The following BLM variants were observed in gnomAD, a reference collection of about 807,000 sequenced individuals.
BLM encodes recQ-like DNA helicase BLM.
A neutral mutation model predicts 135.3 loss-of-function variants in BLM; 95 were observed. The observed-to-expected ratio is 0.70, with a 90% confidence interval of 0.59 to 0.83. The LOEUF (loss-of-function observed/expected upper bound fraction) is 0.83. BLM is among the 40% of genes least tolerant of loss of function. The pLI is 0.00. For synonymous variants in BLM, 520 were observed against 589.2 expected (o/e 0.88, Z 1.70); for missense variants, 1,518 against 1,663.9 (o/e 0.91, Z 1.53).
At chr15:90,730,655 C>T (rs575769971) in intron 1 of BLM, among the ~76,000 whole-genome samples, 2 of 152,074 alleles carry the variant, frequency 1.3e-5, no homozygotes, top group African/African-American at 2.4e-5. Flanking sequence ...ACCATATTGG[C>T]CAGACTGGTC....
rs200858224 is a variant in BLM, at chr15:90,793,947, G to GA, written c.3020-209dup. On this transcript the variant is annotated intron_variant, in intron 15 of 21. Coordinates refer to ENST00000355112, the MANE Select transcript of BLM (RefSeq NM_000057.4). ...TCATCATTGGGGATAATGAAGATTTGAAAAAAAAAAACCTAACATTTATTC... is the reference window on the plus strand; with the variant it reads ...TCATCATTGGGGATAATGAAGATTTGAAAAAAAAAAAACCTAACATTTATTC... The GA allele has an allele frequency of 0.12, 33,710 of 282,314 alleles. 477 individuals are homozygous for GA. Among genetic ancestry groups the GA allele is most frequent in the Middle Eastern group, 0.16 (153 of 932 alleles). The allele number at this position is 282,314 out of a possible 1,614,324, so 17.5% of individuals were successfully genotyped here. A position where few individuals can be genotyped will look rare whatever the true frequency, so the allele number is the denominator to read the frequency against.
intron 8 of BLM, 21 bp downstream of exon 8, chr15:90,763,178 A>T (rs1442667874): frequency 1.2e-6 from 2 of 1,610,210 alleles, no homozygotes; most frequent in Non-Finnish European, 1.7e-6. Flanking sequence ...TTAGAAGTGA[A>T]TTGGCAGGAA....
chr15:90,756,097 A>T (rs1895810402), intron 5 of BLM, among the ~76,000 whole-genome samples: 1 of 151,206 alleles, frequency 6.6e-6, no homozygotes, highest in Non-Finnish European at 1.5e-5. Context: ...TCAAACTTTA[A>T]GGTAGTTTCC....
intron 15 of BLM, chr15:90,793,672 T>C (rs148441723): frequency 6.6e-6 from 1 of 152,626 alleles, no homozygotes; most frequent in African/African-American, 2.4e-5. Flanking sequence ...AAGCTAATAA[T>C]TTGGGTGATG....
At chr15:90,737,179 G>T (rs1895239802) in intron 1 of BLM, among the ~76,000 whole-genome samples, 2 of 144,466 alleles carry the variant, frequency 1.4e-5, no homozygotes, top group African/African-American at 2.5e-5. Flanking sequence ...TTCTTAGTAG[G>T]TTTTTTTTTT....
In BLM at chr15:90,798,604, A is replaced by G. The variant is rs573601188; in HGVS notation, c.3358+267A>G. 7.3e-4 allele frequency among the ~76,000 whole-genome samples: 111 copies of G among 151,956 alleles called. 1 individual carries two copies. Among genetic ancestry groups the G allele is most frequent in the Admixed American group, 2.6e-4 (4 of 15,268 alleles). ...GAGTGGGTGGAATGTAACTATTAAA[A>G]TGTCAGTAAGGAAATAAAATGAGGA... On this transcript the variant is annotated intron_variant, in intron 17 of 21. Transcript: ENST00000355112.
Position 90,794,352 on chromosome 15 carries a change from A to G in BLM, c.3205A>G (p.Thr1069Ala). Residue 1069 changes from threonine to alanine, a missense_variant, in exon 16 of 22, where the codon ACA (threonine) becomes GCA (alanine). Transcript: ENST00000355112. Reference sequence around the variant, plus strand: ...TGTTTCTTGTGATAATTGCTGTAAAACAAAGGTAAAAAAAGAAGTTTTAAA... The same window carrying G: ...TGTTTCTTGTGATAATTGCTGTAAAGCAAAGGTAAAAAAAGAAGTTTTAAA... The part of the protein sequence containing the change: ...PDVSCDNCCK[T>A]KDYKTRDVTD... 6.3e-7 allele frequency: 1 copy of G among 1,583,012 alleles called. No homozygotes were observed. The highest frequency in any genetic ancestry group is 2.3e-5 in the East Asian group (1 of 44,242).
At chr15:90,739,164 G>T (rs2151138862) in intron 1 of BLM, among the ~76,000 whole-genome samples, 1 of 152,250 alleles carries the variant, frequency 6.6e-6, no homozygotes. Context: ...GGGAGGCTGA[G>T]ACAGGCAGAT....
chr15:90,798,740 G>C (rs1897092110), intron 17 of BLM, among the ~76,000 whole-genome samples: 1 of 152,184 alleles, frequency 6.6e-6, no homozygotes, highest in African/African-American at 2.4e-5. Context: ...CCAGCACTTT[G>C]GGAGGCCGAG....
At chr15:90,814,016 C>A (rs1897490151) in intron 21 of BLM, among the ~76,000 whole-genome samples, 1 of 152,300 alleles carries the variant, frequency 6.6e-6, no homozygotes, top group South Asian at 2.1e-4. Context: ...ACATAAACAG[C>A]AGGTTTTCTC....
intron 15 of BLM, among the ~76,000 whole-genome samples, chr15:90,791,663 G>A (rs1025385647): frequency 5.3e-5 from 8 of 150,436 alleles, no homozygotes; most frequent in South Asian, 2.1e-4. Flanking sequence ...TTTCAAGACC[G>A]AGTCTCACTC....
Position 90,768,716 on chromosome 15 carries a change from GTGTTTTTGTTTT to G in BLM, c.2308-403_2308-392del, listed in dbSNP as rs529220280. Reference sequence around the variant, plus strand: ...AAATAAGAACCAATTTTATATGGAGGTGTTTTTGTTTTTGTTTTTGTTTTTTCGAGACCGAGT... The same window carrying G: ...AAATAAGAACCAATTTTATATGGAGGTGTTTTTGTTTTTTCGAGACCGAGT... On this transcript the variant is annotated intron_variant, in intron 10 of 21. Coordinates refer to ENST00000355112, the MANE Select transcript of BLM (RefSeq NM_000057.4). Among the ~76,000 whole-genome samples the G allele has an allele frequency of 4.6e-5, 7 of 152,140 alleles. No homozygotes were observed. In the East Asian group the frequency reaches 9.7e-4, roughly 21 times the overall value.
chr15:90,765,075 A>G (rs923435642), intron 8 of BLM, among the ~76,000 whole-genome samples: 13 of 152,196 alleles, frequency 8.5e-5, no homozygotes, highest in Non-Finnish European at 1.9e-4. Context: ...TCTCAAAGAC[A>G]AAAACAAAAA....
intron 12 of BLM, among the ~76,000 whole-genome samples, chr15:90,776,367 CTTA>C (rs772088153): frequency 2.2e-4 from 33 of 152,112 alleles, no homozygotes; most frequent in Non-Finnish European, 4.4e-4. Flanking sequence ...ATTAAGTAGT[CTTA>C]TTATTCTTTC....
intron 1 of BLM, among the ~76,000 whole-genome samples, chr15:90,719,252 A>T (rs1376670623): frequency 6.6e-6 from 1 of 152,158 alleles, no homozygotes; most frequent in Non-Finnish European, 1.5e-5. Context: ...CCGCCTCCCA[A>T]GGTGCTGGGA....
intron 2 of BLM, 136 bp downstream of exon 2, chr15:90,747,626 G>T: frequency 2.9e-6 from 2 of 688,420 alleles, no homozygotes; most frequent in East Asian, 2.8e-5. Flanking sequence ...TTCCCACTTT[G>T]CCAATTAATG....
chr15:90,772,315 C>G (rs1049097513), intron 12 of BLM, among the ~76,000 whole-genome samples: 1 of 151,928 alleles, frequency 6.6e-6, no homozygotes, highest in Non-Finnish European at 1.5e-5. Flanking sequence ...ATAAGGCACA[C>G]AAAAAAGGCT....
chr15:90,743,303 G>A (rs1895417586), intron 1 of BLM, among the ~76,000 whole-genome samples: 2 of 152,000 alleles, frequency 1.3e-5, no homozygotes, highest in Non-Finnish European at 2.9e-5. Flanking sequence ...CTTTTGTAAT[G>A]GCATGATAAC....
chr15:90,773,187 A>G (rs992117789), intron 12 of BLM, among the ~76,000 whole-genome samples: 9 of 151,750 alleles, frequency 5.9e-5, no homozygotes, highest in African/African-American at 1.9e-4. Context: ...TGGGAGGCCA[A>G]GGGAGACGGA....
Sources: gnomAD v4.1 joint callset for allele counts (sites outside exome capture counted in the v4.1 genomes callset) on GRCh38, gnomAD v4.1.1 for gene constraint, MANE v1.5 for transcripts, NCBI Gene and HGNC (gene_info 2026-07-23, HGNC 2026-07-21) for gene names.